The following NME7 variants were observed in gnomAD, a reference collection of about 807,000 sequenced individuals.
The protein encoded by NME7 is NME/NM23 family member 7.
Under a neutral mutation model 49.1 loss-of-function variants are expected in NME7, and 41 were observed. The ratio of observed to expected loss-of-function variants is 0.83; its 90% CI spans 0.65 to 1.08. The LOEUF is 1.08. Ranked by LOEUF, NME7 falls within the 50% of genes least tolerant of loss-of-function variation. The pLI is 0.00. For missense variants in NME7, 423 were observed against 463.4 expected, an observed-to-expected ratio of 0.91 and a Z score of 0.80; for synonymous variants, 139 against 150.6, an observed-to-expected ratio of 0.92 and a Z score of 0.56.
At chr1:169,161,833 A>T (rs1309840648) in intron 11 of NME7, among the ~76,000 whole-genome samples, 1 of 152,232 alleles carries the variant, frequency 6.6e-6, no homozygotes, top group Non-Finnish European at 1.5e-5. Flanking sequence ...GCTAAAATGT[A>T]GACCTAGGTT....
chr1:169,354,686 T>C (rs1318918913), intron 1 of NME7, among the ~76,000 whole-genome samples: 1 of 143,800 alleles, frequency 7.0e-6, no homozygotes, highest in African/African-American at 2.5e-5. Context: ...ATAAATATTA[T>C]ATATAGTGGG....
chr1:169,169,678 G>T, intron 10 of NME7, 124 bp from the exon 11 acceptor site: 1 of 774,558 alleles, frequency 1.3e-6, no homozygotes, highest in Non-Finnish European at 2.0e-6. Flanking sequence ...GTGCTTATAA[G>T]GGTTTTTCTG....
intron 10 of NME7, among the ~76,000 whole-genome samples, chr1:169,200,840 G>A (rs902194999): frequency 6.6e-6 from 1 of 152,194 alleles, no homozygotes; most frequent in African/African-American, 2.4e-5. Context: ...TGTGCAGTGT[G>A]CACTGTCCTC....
intron 7 of NME7, among the ~76,000 whole-genome samples, chr1:169,263,638 C>A (rs1389928914): frequency 7.5e-6 from 1 of 132,930 alleles, no homozygotes; most frequent in African/African-American, 2.5e-5. Context: ...TCTGGCATAC[C>A]TGAAAGAAAT....
intron 10 of NME7, among the ~76,000 whole-genome samples, chr1:169,200,591 C>T (rs1424359614): frequency 6.6e-6 from 1 of 152,128 alleles, no homozygotes; most frequent in Non-Finnish European, 1.5e-5. Flanking sequence ...CTATCAGGCT[C>T]TTACAATCTG....
At chr1:169,231,153 A>T (rs1647596538) in intron 9 of NME7, among the ~76,000 whole-genome samples, 1 of 152,170 alleles carries the variant, frequency 6.6e-6, no homozygotes, top group Non-Finnish European at 1.5e-5. Context: ...TATATATATA[A>T]ATTTCAAAGG....
At chr1:169,341,042 A>T (rs1652674826) in intron 1 of NME7, among the ~76,000 whole-genome samples, 2 of 152,210 alleles carry the variant, frequency 1.3e-5, no homozygotes, top group South Asian at 4.1e-4. Flanking sequence ...AAAAATGAGG[A>T]ACGGAATGTT....
At chr1:169,358,258 A>C (rs1432882243) in intron 1 of NME7, among the ~76,000 whole-genome samples, 2 of 152,086 alleles carry the variant, frequency 1.3e-5, no homozygotes, top group African/African-American at 2.4e-5. Context: ...TACAGTTTAT[A>C]AATTACTTTC....
intron 7 of NME7, among the ~76,000 whole-genome samples, chr1:169,281,101 T>A (rs1173763489): frequency 6.6e-6 from 1 of 152,168 alleles, no homozygotes; most frequent in Non-Finnish European, 1.5e-5. Flanking sequence ...TGGAATGTTT[T>A]CCCATTTGTT....
chr1:169,148,367 T>C (rs1003653403), intron 11 of NME7, among the ~76,000 whole-genome samples: 2 of 152,196 alleles, frequency 1.3e-5, no homozygotes, highest in Non-Finnish European at 2.9e-5. Flanking sequence ...TTGAAAACAT[T>C]GAGCCTAATA....
At chr1:169,355,657 A>T (rs1280728195) in intron 1 of NME7, among the ~76,000 whole-genome samples, 1 of 151,740 alleles carries the variant, frequency 6.6e-6, no homozygotes, top group Admixed American at 6.6e-5. Flanking sequence ...TAGGATTCCC[A>T]GGGCTCTCCA....
At chr1:169,283,205 C>T (rs910872609) in intron 7 of NME7, among the ~76,000 whole-genome samples, 1 of 152,102 alleles carries the variant, frequency 6.6e-6, no homozygotes, top group Non-Finnish European at 1.5e-5. Flanking sequence ...ATGTAATGCC[C>T]TTCTTTGTCT....
intron 11 of NME7, among the ~76,000 whole-genome samples, chr1:169,151,944 A>G (rs888554735): frequency 2.6e-5 from 4 of 152,234 alleles, no homozygotes; most frequent in African/African-American, 9.6e-5. Flanking sequence ...TTATCTTTAA[A>G]AATACATTAT....
chr1:169,234,168 A>G (rs2101824137), intron 9 of NME7, among the ~76,000 whole-genome samples: 2 of 152,314 alleles, frequency 1.3e-5, no homozygotes, highest in Non-Finnish European at 2.9e-5. Flanking sequence ...ATTAAGTCAC[A>G]AATTTTTTAA....
intron 7 of NME7, chr1:169,246,985 T>A (rs1052500808): frequency 2.2e-6 from 1 of 449,558 alleles, no homozygotes; most frequent in African/African-American, 2.0e-5. Flanking sequence ...ACAGGCTCCA[T>A]ACCATCATAG....
At chr1:169,360,136 A>C (rs780265454) in intron 1 of NME7, among the ~76,000 whole-genome samples, 1 of 152,226 alleles carries the variant, frequency 6.6e-6, no homozygotes, top group African/African-American at 2.4e-5. Context: ...CATAACTCCC[A>C]TGTTGAAACT....
chr1:169,142,642 C>A (rs1658629882), intron 11 of NME7, among the ~76,000 whole-genome samples: 1 of 152,152 alleles, frequency 6.6e-6, no homozygotes, highest in Non-Finnish European at 1.5e-5. Flanking sequence ...CTAAGCCATG[C>A]AATTTTAGGT....
chr1:169,200,248 G>A (rs57721082), intron 10 of NME7, among the ~76,000 whole-genome samples: 2,263 of 152,086 alleles, frequency 0.015, 62 homozygotes, highest in African/African-American at 0.051. Flanking sequence ...GGAAACATCC[G>A]GGAGGGCTTT....
At chr1:169,348,661 C>A (rs1041145624) in intron 1 of NME7, among the ~76,000 whole-genome samples, 6 of 152,140 alleles carry the variant, frequency 3.9e-5, no homozygotes, top group African/African-American at 1.4e-4. Flanking sequence ...ACATATCCTG[C>A]CCAAAAAGCC....
Sources: allele counts gnomAD v4.1 joint callset (sites outside exome capture counted in the v4.1 genomes callset), GRCh38; gene constraint gnomAD v4.1.1; transcripts MANE v1.5; gene names NCBI Gene and HGNC (gene_info 2026-07-23, HGNC 2026-07-21).